Variants in SASH1 observed in about 807,000 individuals in gnomAD.
SASH1 encodes the protein SAM and SH3 domain containing 1.
Under a neutral mutation model 125.2 loss-of-function variants are expected in SASH1, and 44 were observed. That is an observed-to-expected ratio of 0.35 (90% CI 0.28 to 0.45). The LOEUF (loss-of-function observed/expected upper bound fraction) is 0.45, where lower values mean the gene tolerates loss of function less well. Among genes scored for constraint, SASH1 ranks in the 20% least tolerant of loss-of-function variants. The probability of loss-of-function intolerance (pLI) is 1.00; values close to 1 mark genes in which losing one functional copy is unlikely to be tolerated. For missense variants in SASH1, 1,426 were observed against 1,614.5 expected (o/e 0.88, Z 2.00); for synonymous variants, 639 against 649.1 (o/e 0.98, Z 0.24).
chr6:148,459,628 A>G (rs1199152139), intron 4 of SASH1, among the ~76,000 whole-genome samples: 1 of 152,168 alleles, frequency 6.6e-6, no homozygotes, highest in Non-Finnish European at 1.5e-5. Flanking sequence ...CCAGCCCCTT[A>G]CAAGTTAAGA....
intron 2 of SASH1, among the ~76,000 whole-genome samples, chr6:148,425,742 CT>C (rs1200473150): frequency 3.8e-4 from 46 of 122,468 alleles, no homozygotes; most frequent in South Asian, 9.1e-4. Flanking sequence ...CCCCCTCCTC[CT>C]TTTTTTTTTT....
At chr6:148,341,490 C>A (rs757759353), upstream of SASH1, among the ~76,000 whole-genome samples, 60 of 152,168 alleles carry the variant, frequency 3.9e-4, no homozygotes, top group Non-Finnish European at 7.5e-4. Context: ...CAAAAATTAT[C>A]AGGGATTGTG....
At chr6:148,431,052 G>A (rs1361093370) in intron 2 of SASH1, among the ~76,000 whole-genome samples, 2 of 152,222 alleles carry the variant, frequency 1.3e-5, no homozygotes, top group Admixed American at 6.5e-5. Context: ...TACTTTCCAT[G>A]CAGCCGTATG....
chr6:148,384,557 C>T (rs552998853), intron 1 of SASH1, among the ~76,000 whole-genome samples: 1 of 152,146 alleles, frequency 6.6e-6, no homozygotes. Context: ...AAGATGGCAG[C>T]ATGCGATCCT....
In SASH1 at chr6:148,317,355, G is replaced by C. The variant is rs568834017; in HGVS notation, n.74+44978G>C. ...ACCAGGAAAGTTAAACACTATGGGT[G>C]GATCAAAAGAAGTGGTTCCTGAATA... On this transcript the variant is annotated intron_variant and non_coding_transcript_variant, in intron 1 of 3. Coordinates refer to the SASH1 transcript ENST00000367469. Among the ~76,000 whole-genome samples the C allele has an allele frequency of 7.9e-5, 12 of 152,284 alleles. No individual in the cohort carries two copies. In the South Asian group the frequency reaches 2.3e-3, roughly 29 times the overall value.
intron 6 of SASH1, among the ~76,000 whole-genome samples, chr6:148,472,255 A>T (rs1236942917): frequency 2.0e-5 from 3 of 152,108 alleles, no homozygotes; most frequent in Admixed American, 2.0e-4. Context: ...TGCTGTGTGG[A>T]ACGTCTGTCT....
chr6:148,298,184 T>C (rs2128511551), intron 1 of SASH1, among the ~76,000 whole-genome samples: 1 of 151,840 alleles, frequency 6.6e-6, no homozygotes, highest in African/African-American at 2.4e-5. Context: ...TTTTTGTACT[T>C]TTTTTTCCAG....
chr6:148,283,169 C>A (rs1255424414), intron 1 of SASH1, among the ~76,000 whole-genome samples: 3 of 152,208 alleles, frequency 2.0e-5, no homozygotes. Context: ...GACATACTGT[C>A]CTCCCGTCTA....
intron 2 of SASH1, among the ~76,000 whole-genome samples, chr6:148,395,916 T>C (rs1176605787): frequency 2.0e-5 from 3 of 152,038 alleles, no homozygotes; most frequent in African/African-American, 7.3e-5. Context: ...CATCTTGAGG[T>C]GGAATCTGTG....
In SASH1 at chr6:148,487,551, T is replaced by C. The variant is rs542952865; in HGVS notation, c.628-63T>C. 81 of 1,193,676 alleles carry C rather than the reference T, an allele frequency of 6.8e-5. No homozygotes were observed. The African/African-American group carries it at 7.9e-4, about 12-fold the overall frequency. 73.9% of individuals were successfully genotyped at this position (1,193,676 alleles called of 1,614,324 possible). ...ATGTATTATTTGAGTCATTTCCCTG[T>C]AAAAGGTCTGGCCAGTGTCTGGCCA... On this transcript the variant is annotated intron_variant, in intron 7 of 19. Coordinates refer to ENST00000367467, the MANE Select transcript of SASH1 (RefSeq NM_015278.5).
chr6:148,411,166 C>CAAAAAAAAAAAAAAAAAAAAAA (rs56342457), intron 2 of SASH1, among the ~76,000 whole-genome samples: 3 of 46,182 alleles, frequency 6.5e-5, no homozygotes, highest in Non-Finnish European at 1.1e-4. Context: ...ACTCCATCTC[C>CAAAAAAAAAAAAAAAAAAAAAA]AAAAAAAAAA....
rs116473659 is a variant in SASH1 at position 148,351,731 on chromosome 6, T to C, written c.156+8508T>C. Among the ~76,000 whole-genome samples, 1,000 of 150,882 alleles carry C rather than the reference T, an allele frequency of 6.6e-3. 12 individuals carry two copies. The highest frequency in any genetic ancestry group is 0.023 in the African/African-American group (945 of 40,962). ...AAATGTATCCTAAGCACCCTTGACT[T>C]TGTTGACTTTAATAATAATTTTGTA... On this transcript the variant is annotated intron_variant, in intron 1 of 19. Transcript: ENST00000367467.
chr6:148,420,315 G>A (rs972619964), intron 2 of SASH1, among the ~76,000 whole-genome samples: 17 of 152,188 alleles, frequency 1.1e-4, no homozygotes, highest in South Asian at 6.2e-4. Flanking sequence ...GCTTTCGACT[G>A]TAAAATTTGT....
Position 148,282,074 on chromosome 6 carries a change from C to T in SASH1, n.74+9697C>T, listed in dbSNP as rs1582912497. 4.6e-5 allele frequency among the ~76,000 whole-genome samples: 7 copies of T among 152,354 alleles called. No individual in the cohort carries two copies. The South Asian group carries it at 1.0e-3, about 23-fold the overall frequency. ...CTGTCATGGCCATGGAGGTAGACCA[C>T]GAAGACCTCCTTTTGAAGGACAATC... On this transcript the variant is annotated intron_variant and non_coding_transcript_variant, in intron 1 of 3. Coordinates refer to the SASH1 transcript ENST00000367469.
At chr6:148,347,066 AG>A (rs1781546380) in intron 1 of SASH1, among the ~76,000 whole-genome samples, 1 of 152,190 alleles carries the variant, frequency 6.6e-6, no homozygotes, top group South Asian at 2.1e-4. Context: ...GTTGTTTTTA[AG>A]AGCGGGAATT....
chr6:148,536,493 C>CTACGCAA (rs1781854700), intron 16 of SASH1, among the ~76,000 whole-genome samples: 1 of 152,164 alleles, frequency 6.6e-6, no homozygotes, highest in Non-Finnish European at 1.5e-5. Flanking sequence ...GCATGCACCA[C>CTACGCAA]TACGCATGGC....
rs1416912768 is a variant in SASH1, at chr6:148,548,519, C to T, written c.3705C>T (p.Ala1235=). The part of the protein sequence containing the change: ...ERHIRKLLSA[A]RLFKLPPGPE... Reference sequence around the variant, plus strand: ...ACATAAGAAAGCTCCTATCTGCAGCCAGACTCTTCAAACTGCCGCCAGGCC... The same window carrying T: ...ACATAAGAAAGCTCCTATCTGCAGCTAGACTCTTCAAACTGCCGCCAGGCC... The change falls in exon 20 of 20, where the codon GCC becomes GCT. Residue 1235 remains alanine, a synonymous_variant. Coordinates refer to ENST00000367467, the MANE Select transcript of SASH1 (RefSeq NM_015278.5). 1.2e-6 allele frequency: 2 copies of T among 1,613,010 alleles called. No homozygotes were observed. Among genetic ancestry groups the T allele is most frequent in the African/African-American group, 1.3e-5 (1 of 75,044 alleles).
chr6:148,514,517 A>AATC, intron 9 of SASH1, 61 bp downstream of exon 9: 5 of 1,399,726 alleles, frequency 3.6e-6, no homozygotes, highest in Non-Finnish European at 4.6e-6. Context: ...TTCCAAAAGA[A>AATC]ATCATTTGGG....
At position 148,403,228 on chromosome 6, in the gene SASH1, G is replaced by A. The variant is rs367805673; in HGVS notation, c.285+12966G>A. On this transcript the variant is annotated intron_variant, in intron 2 of 19. Transcript: ENST00000367467. ...TCCTTGGGTAATATGATATCAAAAC[G>A]CTATATTATAAAGCATGATATAATA... Among the ~76,000 whole-genome samples, 60 of 151,590 alleles carry A rather than the reference G, an allele frequency of 4.0e-4. 1 individual carries two copies. In the South Asian group the frequency reaches 9.5e-3, roughly 24 times the overall value.
Sources: allele counts gnomAD v4.1 joint callset (sites outside exome capture counted in the v4.1 genomes callset), GRCh38; gene constraint gnomAD v4.1.1; transcripts MANE v1.5; gene names NCBI Gene and HGNC (gene_info 2026-07-23, HGNC 2026-07-21).